Variants in FOXK2 observed in about 807,000 individuals in gnomAD.
The protein encoded by FOXK2 is forkhead box K2.
Under a neutral mutation model 53.3 loss-of-function variants are expected in FOXK2, and 24 were observed. The observed-to-expected ratio is 0.45, with a 90% confidence interval of 0.33 to 0.63. The LOEUF (loss-of-function observed/expected upper bound fraction) is 0.63, where lower values mean the gene tolerates loss of function less well. Ranked by LOEUF, FOXK2 falls within the 30% of genes least tolerant of loss-of-function variation. The probability of loss-of-function intolerance (pLI) is 0.03; values close to 1 mark genes in which losing one functional copy is unlikely to be tolerated. For synonymous variants in FOXK2, 505 were observed against 407.1 expected (o/e 1.24, Z -2.89); for missense variants, 952 against 910.5 (o/e 1.05, Z -0.59).
chr17:82,521,622 A>G (rs2044362400), intron 1 of FOXK2, among the ~76,000 whole-genome samples: 1 of 151,128 alleles, frequency 6.6e-6, no homozygotes, highest in Admixed American at 6.6e-5. Context: ...AAACTTTGGT[A>G]GTAGCATTTT....
At chr17:82,561,947 G>A (rs943568827) in intron 1 of FOXK2, among the ~76,000 whole-genome samples, 6 of 152,172 alleles carry the variant, frequency 3.9e-5, no homozygotes, top group Non-Finnish European at 8.8e-5. Flanking sequence ...GATGTGAGCC[G>A]GGCTGAGTCC....
chr17:82,601,749 A>T lies in FOXK2; in HGVS notation c.*250A>T. On this transcript the variant is annotated 3_prime_UTR_variant, in exon 9 of 9. Transcript: ENST00000335255. ...CACCTGCTGGGCTGAGCTTCTACCTACGAGTGAAACTCTGTCCTCCCGCGA... is the reference window on the plus strand; with the variant it reads ...CACCTGCTGGGCTGAGCTTCTACCTTCGAGTGAAACTCTGTCCTCCCGCGA... The T allele has an allele frequency of 2.4e-6, 1 of 411,384 alleles. No homozygotes were observed. The allele number at this position is 411,384 out of a possible 1,614,324, so 25.5% of individuals were successfully genotyped here.
Position 82,563,507 on chromosome 17 carries a change from C to T in FOXK2, c.573C>T (p.Ala191=). The stretch of plus-strand genomic sequence containing the variant: ...CCATCAACATTCCAGACACCATGGC[C>T]CACCTCATCAGCCCTCTGCCCTCCC... ...PLTINIPDTM[A]HLISPLPSPT... is the part of the protein sequence containing the mutation. Residue 191 remains alanine, a synonymous_variant, in exon 2 of 9, where the codon GCC becomes GCT. Coordinates refer to ENST00000335255, the MANE Select transcript of FOXK2 (RefSeq NM_004514.4). The T allele has an allele frequency of 1.2e-6, 2 of 1,614,062 alleles. No homozygotes were observed. Among genetic ancestry groups the T allele is most frequent in the African/African-American group, 1.3e-5 (1 of 74,986 alleles).
chr17:82,529,059 C>T (rs1014107645), intron 1 of FOXK2, among the ~76,000 whole-genome samples: 2 of 152,130 alleles, frequency 1.3e-5, no homozygotes, highest in African/African-American at 4.8e-5. Flanking sequence ...AGGGGAGAGC[C>T]GCCTGTTGCG....
intron 8 of FOXK2, among the ~76,000 whole-genome samples, chr17:82,592,476 C>A (rs1193051210): frequency 3.9e-5 from 6 of 152,230 alleles, no homozygotes; most frequent in Non-Finnish European, 1.5e-5. Flanking sequence ...CCTCATGAGG[C>A]CCTTCACGGG....
chr17:82,563,534 C>G lies in FOXK2; in HGVS notation c.600C>G (p.Pro200=), dbSNP rs201972160. Residue 200 remains proline, a synonymous_variant, in exon 2 of 9, where the codon CCC becomes CCG. Transcript: ENST00000335255. ...MAHLISPLPS[P]TGTISAANSC... is the part of the protein sequence containing the mutation. ...ACCTCATCAGCCCTCTGCCCTCCCCCACGGGAACCATCAGGTGCGGCCATG... is the reference window on the plus strand; with the variant it reads ...ACCTCATCAGCCCTCTGCCCTCCCCGACGGGAACCATCAGGTGCGGCCATG... 1.9e-6 allele frequency: 3 copies of G among 1,613,532 alleles called. No individual in the cohort carries two copies. The highest frequency in any genetic ancestry group is 1.1e-5 in the South Asian group (1 of 91,014).
At chr17:82,522,950 A>G (rs1400511287) in intron 1 of FOXK2, among the ~76,000 whole-genome samples, 1 of 151,726 alleles carries the variant, frequency 6.6e-6, no homozygotes, top group African/African-American at 2.4e-5. Context: ...ACACGCCACC[A>G]CACCCAGCTA....
chr17:82,544,151 G>A (rs1043439585), intron 1 of FOXK2, among the ~76,000 whole-genome samples: 11 of 152,106 alleles, frequency 7.2e-5, no homozygotes, highest in Non-Finnish European at 1.5e-4. Flanking sequence ...GGGCTCAGTT[G>A]ATCCTCCCAC....
intron 1 of FOXK2, among the ~76,000 whole-genome samples, chr17:82,535,795 T>C (rs899652675): frequency 6.7e-6 from 1 of 150,120 alleles, no homozygotes; most frequent in South Asian, 2.1e-4. Flanking sequence ...TTGCCCAGGC[T>C]GGAGTGCAGT....
At position 82,563,500 on chromosome 17, in the gene FOXK2, C is replaced by T; in HGVS notation, c.566C>T (p.Thr189Ile). The change falls in exon 2 of 9, where the codon ACC (threonine) becomes ATC (isoleucine). Residue 189 changes from threonine to isoleucine, a missense_variant. Thr to Ile is a moderately conservative substitution (Grantham distance 89). Around this residue, in one of 5 missense-constraint regions of FOXK2, gnomAD observed 76 missense variants for 128.2 expected, o/e 0.59. Transcript: ENST00000335255. ...ISPLTINIPD[T>I]MAHLISPLPS... ...CCCCTGACCATCAACATTCCAGACACCATGGCCCACCTCATCAGCCCTCTG... is the reference window on the plus strand; with the variant it reads ...CCCCTGACCATCAACATTCCAGACATCATGGCCCACCTCATCAGCCCTCTG... The T allele has an allele frequency of 6.2e-7, 1 of 1,614,094 alleles. No individual in the cohort carries two copies. The highest frequency in any genetic ancestry group is 8.5e-7 in the Non-Finnish European group (1 of 1,180,010).
chr17:82,596,101 G>GGCCACACCTGCA, intron 8 of FOXK2: 5 of 987,448 alleles, frequency 5.1e-6, no homozygotes, highest in South Asian at 2.9e-5. Flanking sequence ...AGTCGGTTGA[G>GGCCACACCTGCA]GCCACACCTG....
chr17:82,559,516 C>T (rs945844949), intron 1 of FOXK2: 2 of 456,068 alleles, frequency 4.4e-6, no homozygotes, highest in African/African-American at 4.0e-5. Flanking sequence ...AACACGTCCC[C>T]ACGTGGGACG....
chr17:82,584,822 G>T (rs972357996), intron 6 of FOXK2, among the ~76,000 whole-genome samples: 1 of 152,162 alleles, frequency 6.6e-6, no homozygotes, highest in African/African-American at 2.4e-5. Flanking sequence ...AAAGTGCTGG[G>T]CGTACAGGCG....
At chr17:82,533,190 C>T (rs1290010625) in intron 1 of FOXK2, among the ~76,000 whole-genome samples, 2 of 152,148 alleles carry the variant, frequency 1.3e-5, no homozygotes, top group Non-Finnish European at 2.9e-5. Flanking sequence ...TCTAAATTAA[C>T]GATAAAATGT....
At chr17:82,596,945 G>A (rs1363908656) in intron 8 of FOXK2, among the ~76,000 whole-genome samples, 2 of 152,222 alleles carry the variant, frequency 1.3e-5, no homozygotes, top group South Asian at 2.1e-4. Flanking sequence ...GTTGTCAGGC[G>A]TGGCGAGAGC....
At chr17:82,576,605 G>T in intron 4 of FOXK2, 2 of 1,008,750 alleles carry the variant, frequency 2.0e-6, no homozygotes, top group South Asian at 1.3e-5. Context: ...TGGCTGGAGG[G>T]AGGACCCAGT....
rs2144123407 is a variant in FOXK2, at chr17:82,568,211, T to C, written c.762+10T>C. The C allele has an allele frequency of 1.2e-6, 2 of 1,610,954 alleles. No homozygotes were observed. The highest frequency in any genetic ancestry group is 2.7e-5 in the African/African-American group (2 of 74,970). On this transcript the variant is annotated intron_variant, in intron 3 of 8. Transcript: ENST00000335255. ...TGGAGACAGCCCGAAGGTAAAGGCT[T>C]TGTAGCCTTGAAGCAGCCCCTGGGG...
intron 6 of FOXK2, among the ~76,000 whole-genome samples, chr17:82,585,101 A>G (rs1431630418): frequency 6.6e-6 from 1 of 152,074 alleles, no homozygotes; most frequent in Non-Finnish European, 1.5e-5. Context: ...CTTTGCTCTA[A>G]GCCCCCAAAC....
chr17:82,563,388 A>G lies in FOXK2; in HGVS notation c.454A>G (p.Ile152Val), dbSNP rs1373789480. ...CAGGTTCCCGAGCACAAACATCAAG[A>G]TAACGTTCACTGCCCTGTCCAGCGA... ...TFRFPSTNIKITFTALSSEKR... is the reference protein window; with the variant it reads ...TFRFPSTNIKVTFTALSSEKR... The change falls in exon 2 of 9, where the codon ATA (isoleucine) becomes GTA (valine). Residue 152 changes from isoleucine to valine, a missense_variant. Physicochemically the swap from Ile to Val is conservative, Grantham distance 29. Around this residue, in one of 5 missense-constraint regions of FOXK2, gnomAD observed 76 missense variants for 128.2 expected, o/e 0.59. Coordinates refer to ENST00000335255, the MANE Select transcript of FOXK2 (RefSeq NM_004514.4). The G allele has an allele frequency of 6.2e-7, 1 of 1,614,010 alleles. No individual in the cohort carries two copies. Among genetic ancestry groups the G allele is most frequent in the South Asian group, 1.1e-5 (1 of 91,066 alleles).
Sources: gnomAD v4.1 joint callset for allele counts (sites outside exome capture counted in the v4.1 genomes callset) on GRCh38, gnomAD v4.1.1 for gene constraint, gnomAD v4.1.1 regional missense constraint, MANE v1.5 for transcripts, NCBI Gene and HGNC (gene_info 2026-07-23, HGNC 2026-07-21) for gene names.